LRP1B: variants seen among roughly 807,000 people sequenced by gnomAD.
LRP1B encodes LDL receptor related protein 1B.
In LRP1B, 217 loss-of-function variants were observed where a neutral mutation model predicts 556.6. That is an observed-to-expected ratio of 0.39 (90% CI 0.35 to 0.44). The LOEUF is 0.44. Ranked by LOEUF, LRP1B falls within the 20% of genes least tolerant of loss-of-function variation. The pLI is 1.00. For missense variants in LRP1B, 5,053 were observed against 5,620.8 expected (o/e 0.90, Z 3.23); for synonymous variants, 2,047 against 1,865.8 (o/e 1.10, Z -2.50).
At chr2:141,781,005 G>A (rs774406205) in intron 2 of LRP1B, among the ~76,000 whole-genome samples, 2 of 152,062 alleles carry the variant, frequency 1.3e-5, no homozygotes, top group Admixed American at 6.6e-5. Context: ...ATGGGATGTA[G>A]GCATGAGGGT....
Position 140,782,740 on chromosome 2 carries a change from A to AAG in LRP1B, c.5360-6504_5360-6503dup, listed in dbSNP as rs1383404247. 3.4e-4 allele frequency among the ~76,000 whole-genome samples: 52 copies of AAG among 151,312 alleles called. 1 individual carries two copies. Among genetic ancestry groups the AAG allele is most frequent in the Admixed American group, 2.2e-3 (33 of 15,202 alleles). ...ATACAGTCTCCAAAATCTTCTCCAA[A>AAG]AGAGAGAGAGAGAGAAGGAAAATAA... On this transcript the variant is annotated intron_variant, in intron 32 of 90. Transcript: ENST00000389484.
chr2:141,399,634 A>T (rs1219848794), intron 3 of LRP1B, among the ~76,000 whole-genome samples: 1 of 152,224 alleles, frequency 6.6e-6, no homozygotes, highest in Non-Finnish European at 1.5e-5. Context: ...CAAGTAAGCA[A>T]GAAAGGCTGA....
chr2:140,270,174 T>C, intron 86 of LRP1B, 68 bp downstream of exon 86: 2 of 1,099,882 alleles, frequency 1.8e-6, no homozygotes, highest in South Asian at 1.3e-5. Flanking sequence ...AGGAGAATAA[T>C]AGAACAGGGA....
At chr2:141,734,410 T>C (rs1473928519) in intron 2 of LRP1B, among the ~76,000 whole-genome samples, 1 of 151,974 alleles carries the variant, frequency 6.6e-6, no homozygotes, top group Non-Finnish European at 1.5e-5. Flanking sequence ...TCTCTTTCCA[T>C]ATAAATAATA....
chr2:140,944,471 T>G (rs1397359143), intron 20 of LRP1B, among the ~76,000 whole-genome samples: 1 of 151,998 alleles, frequency 6.6e-6, no homozygotes, highest in African/African-American at 2.4e-5. Flanking sequence ...AAAAGAAAAT[T>G]ACAGCATAAT....
chr2:141,519,552 T>A (rs1684461445), intron 2 of LRP1B, among the ~76,000 whole-genome samples: 1 of 151,910 alleles, frequency 6.6e-6, no homozygotes, highest in Non-Finnish European at 1.5e-5. Context: ...CAGGCAACTC[T>A]TCAGTGGAAG....
At chr2:141,700,163 G>C (rs955520908) in intron 2 of LRP1B, among the ~76,000 whole-genome samples, 3 of 151,656 alleles carry the variant, frequency 2.0e-5, no homozygotes, top group African/African-American at 4.8e-5. Flanking sequence ...AAGCAAAATA[G>C]TGTGGTTATT....
In LRP1B at chr2:140,700,464, T is replaced by G; in HGVS notation, c.6585A>C (p.Thr2195=). Residue 2195 remains threonine (T), a synonymous_variant, in exon 41 of 91, where the codon ACA becomes ACC. Transcript: ENST00000389484. ...HEGYLLYSGR[T]ILKSIHLSDE... is the part of the protein sequence containing the mutation. ...CAGAAAGATGTATACTTTTTAATAT[T>G]GTTCTTCCTGAATACAGTAAATAGC... is the stretch of plus-strand genomic sequence containing the variant. 3.7e-6 allele frequency: 6 copies of G among 1,613,448 alleles called. No homozygotes were observed. Among genetic ancestry groups the G allele is most frequent in the Non-Finnish European group, 5.1e-6 (6 of 1,179,590 alleles).
chr2:141,134,273 C>T (rs1271377205), intron 7 of LRP1B, among the ~76,000 whole-genome samples: 1 of 151,810 alleles, frequency 6.6e-6, no homozygotes, highest in East Asian at 1.9e-4. Flanking sequence ...TTTGCTCCTC[C>T]ATTCCATTCT....
intron 83 of LRP1B, among the ~76,000 whole-genome samples, chr2:140,314,481 T>C (rs549908264): frequency 6.6e-6 from 1 of 152,214 alleles, no homozygotes; most frequent in African/African-American, 2.4e-5. Context: ...GCCAAAAGAA[T>C]AGATACAATT....
At chr2:141,099,025 G>T (rs1326881248) in intron 7 of LRP1B, among the ~76,000 whole-genome samples, 1 of 152,056 alleles carries the variant, frequency 6.6e-6, no homozygotes, top group Non-Finnish European at 1.5e-5. Context: ...AAAAATTAAG[G>T]ATTATTTGAC....
intron 46 of LRP1B, among the ~76,000 whole-genome samples, chr2:140,535,998 T>C (rs1042404676): frequency 6.6e-6 from 1 of 152,088 alleles, no homozygotes; most frequent in Non-Finnish European, 1.5e-5. Flanking sequence ...CGATGTGCTA[T>C]TGTCTGTTGG....
chr2:141,509,532 A>G (rs1684046079), intron 2 of LRP1B, among the ~76,000 whole-genome samples: 1 of 152,136 alleles, frequency 6.6e-6, no homozygotes, highest in African/African-American at 2.4e-5. Context: ...ATGATTCAAT[A>G]TCTAAGTAGC....
At chr2:140,482,271 G>A (rs1688277207) in intron 59 of LRP1B, among the ~76,000 whole-genome samples, 1 of 152,114 alleles carries the variant, frequency 6.6e-6, no homozygotes, top group Admixed American at 6.5e-5. Flanking sequence ...ATAAATGAAT[G>A]AGTATATGTA....
chr2:141,595,560 A>C (rs944631489), intron 2 of LRP1B, among the ~76,000 whole-genome samples: 6 of 152,082 alleles, frequency 3.9e-5, no homozygotes, highest in Non-Finnish European at 5.9e-5. Context: ...GAAGTGTATA[A>C]TTTATTTTGT....
intron 60 of LRP1B, among the ~76,000 whole-genome samples, chr2:140,459,130 A>G (rs1484079520): frequency 1.3e-5 from 2 of 152,152 alleles, no homozygotes; most frequent in Non-Finnish European, 2.9e-5. Context: ...CATAGATACC[A>G]TTACTAAAAT....
chr2:140,989,728 TACAGA>T lies in LRP1B; in HGVS notation c.2645-76_2645-72del, dbSNP rs150523067. 3.4e-4 allele frequency: 505 copies of T among 1,470,496 alleles called. 1 individual carries two copies. In the African/African-American group the frequency reaches 6.4e-3, roughly 19 times the overall value. 91.1% of individuals were successfully genotyped at this position (1,470,496 alleles called of 1,614,324 possible). On this transcript the variant is annotated intron_variant, in intron 16 of 90. Transcript: ENST00000389484. ...AGTTGTGAATATTTTGAATGATAGTTACAGAAAAGTTACAGTAATAATATTATAGT... is the reference window on the plus strand; with the variant it reads ...AGTTGTGAATATTTTGAATGATAGTTAAAGTTACAGTAATAATATTATAGT...
intron 3 of LRP1B, among the ~76,000 whole-genome samples, chr2:141,449,470 A>C (rs1179966625): frequency 2.0e-5 from 3 of 152,148 alleles, no homozygotes; most frequent in African/African-American, 4.8e-5. Context: ...CAGATTTTTT[A>C]CATTTTTTAT....
intron 1 of LRP1B, among the ~76,000 whole-genome samples, chr2:141,838,299 T>C (rs940868673): frequency 1.3e-5 from 2 of 152,140 alleles, no homozygotes; most frequent in Non-Finnish European, 2.9e-5. Flanking sequence ...CGACCAGAAC[T>C]GACTCCTGGC....
Sources: gnomAD v4.1 joint callset for allele counts (sites outside exome capture counted in the v4.1 genomes callset) on GRCh38, gnomAD v4.1.1 for gene constraint, MANE v1.5 for transcripts, NCBI Gene and HGNC (gene_info 2026-07-23, HGNC 2026-07-21) for gene names.